The following ZDHHC17 variants were observed in gnomAD, a reference collection of about 807,000 sequenced individuals.
ZDHHC17 encodes the protein zDHHC palmitoyltransferase 17.
ZDHHC17 carries 40 observed loss-of-function variants against 90.3 expected under a neutral mutation model. The observed-to-expected ratio is 0.44, with a 90% CI of 0.34 to 0.58. The LOEUF (loss-of-function observed/expected upper bound fraction) is 0.58, where lower values mean the gene tolerates loss of function less well. Ranked by LOEUF, ZDHHC17 falls within the 20% of genes least tolerant of loss-of-function variation. The probability of loss-of-function intolerance (pLI) is 0.01; values close to 1 mark genes in which losing one functional copy is unlikely to be tolerated. For synonymous variants in ZDHHC17, 235 were observed against 252.4 expected (o/e 0.93, Z 0.65); for missense variants, 614 against 780.8 (o/e 0.79, Z 2.55).
chr12:76,848,428 A>C, intron 15 of ZDHHC17, 38 bp downstream of exon 15: 1 of 1,598,190 alleles, frequency 6.3e-7, no homozygotes, highest in Non-Finnish European at 8.6e-7. Context: ...CACTAAGTGA[A>C]AACTCTTCCA....
At chr12:76,809,420 A>C (rs192958643) in intron 4 of ZDHHC17, among the ~76,000 whole-genome samples, 1 of 152,218 alleles carries the variant, frequency 6.6e-6, no homozygotes, top group East Asian at 1.9e-4. Context: ...GAATTAGCTC[A>C]TTTCTTGGGA....
At chr12:76,804,692 A>C (rs1420977636) in intron 2 of ZDHHC17, among the ~76,000 whole-genome samples, 2 of 152,222 alleles carry the variant, frequency 1.3e-5, no homozygotes, top group African/African-American at 4.8e-5. Context: ...GCGTCTGGGA[A>C]GATTGCAACC....
chr12:76,814,417 A>G (rs1047628173), intron 5 of ZDHHC17, among the ~76,000 whole-genome samples: 2 of 151,906 alleles, frequency 1.3e-5, no homozygotes, highest in African/African-American at 4.8e-5. Flanking sequence ...GTTTATATGA[A>G]CCAGAATTAC....
At chr12:76,766,648 T>C (rs1952434669) in intron 1 of ZDHHC17, among the ~76,000 whole-genome samples, 1 of 152,204 alleles carries the variant, frequency 6.6e-6, no homozygotes, top group Non-Finnish European at 1.5e-5. Flanking sequence ...ACTTGGATTC[T>C]AATTCTGGAA....
intron 10 of ZDHHC17, among the ~76,000 whole-genome samples, chr12:76,837,507 C>G (rs1269870861): frequency 1.3e-5 from 2 of 152,024 alleles, no homozygotes; most frequent in Non-Finnish European, 2.9e-5. Flanking sequence ...TTAAAAAACT[C>G]TTTACTTAAG....
intron 7 of ZDHHC17, among the ~76,000 whole-genome samples, chr12:76,819,948 G>A (rs1233125342): frequency 4.7e-5 from 7 of 148,830 alleles, no homozygotes; most frequent in African/African-American, 9.9e-5. Flanking sequence ...AGCCAAGATC[G>A]TGCCATTGCA....
intron 7 of ZDHHC17, chr12:76,821,136 G>A: frequency 7.8e-6 from 10 of 1,284,704 alleles, no homozygotes; most frequent in Non-Finnish European, 1.0e-5. Flanking sequence ...TATTCCCGGG[G>A]AGTTGTTACC....
chr12:76,834,238 T>C (rs1365777773), intron 10 of ZDHHC17, among the ~76,000 whole-genome samples: 1 of 152,218 alleles, frequency 6.6e-6, no homozygotes, highest in Non-Finnish European at 1.5e-5. Context: ...ATGCTTCTTT[T>C]ATTATAATTA....
At position 76,788,531 on chromosome 12, in the gene ZDHHC17, G is replaced by C. The variant is rs139162105; in HGVS notation, c.94-8903G>C. Among the ~76,000 whole-genome samples, 490 of 152,084 alleles carry C rather than the reference G, an allele frequency of 3.2e-3. 1 individual carries two copies. Among genetic ancestry groups the C allele is most frequent in the African/African-American group, 0.011 (467 of 41,484 alleles). Reference sequence around the variant, plus strand: ...ACAGTTCTAAACATGGAAGTCTTTAGATCAGTATGAAAAAGATTAATCTAT... The same window carrying C: ...ACAGTTCTAAACATGGAAGTCTTTACATCAGTATGAAAAAGATTAATCTAT... On this transcript the variant is annotated intron_variant, in intron 1 of 16. Coordinates refer to ENST00000426126, the MANE Select transcript of ZDHHC17 (RefSeq NM_015336.4).
intron 1 of ZDHHC17, 165 bp downstream of exon 1, chr12:76,764,494 G>A (rs1245712458): frequency 6.0e-6 from 4 of 661,986 alleles, no homozygotes; most frequent in South Asian, 3.9e-5. Context: ...AGCGGATAAC[G>A]GGGGAGGAGA....
At chr12:76,794,642 A>G (rs77392037) in intron 1 of ZDHHC17, among the ~76,000 whole-genome samples, 343 of 152,314 alleles carry the variant, frequency 2.3e-3, no homozygotes, top group African/African-American at 7.7e-3. Context: ...TCGGAGGCAC[A>G]AAACAGATAC....
At position 76,851,020 on chromosome 12, in the gene ZDHHC17, G is replaced by A. The variant is rs896286937; in HGVS notation, c.*35G>A. On this transcript the variant is annotated 3_prime_UTR_variant, in exon 17 of 17. Coordinates refer to ENST00000426126, the MANE Select transcript of ZDHHC17 (RefSeq NM_015336.4). ...ATCCTATGAAGCATATTGCTGAGTG[G>A]TGCCTGAAAATTGTGTCTGTCCGTG... 24 of 1,612,134 alleles carry A rather than the reference G, an allele frequency of 1.5e-5. No individual in the cohort carries two copies. Among genetic ancestry groups the A allele is most frequent in the Non-Finnish European group, 2.0e-5 (24 of 1,179,286 alleles).
chr12:76,767,259 C>T (rs1282154228), intron 1 of ZDHHC17, among the ~76,000 whole-genome samples: 2 of 152,134 alleles, frequency 1.3e-5, no homozygotes, highest in Non-Finnish European at 2.9e-5. Flanking sequence ...CTTGCAGGAA[C>T]AAATTTCATT....
intron 1 of ZDHHC17, among the ~76,000 whole-genome samples, chr12:76,795,937 A>G (rs1016361012): frequency 3.3e-5 from 5 of 152,192 alleles, no homozygotes; most frequent in African/African-American, 1.2e-4. Context: ...GTATTTTAAC[A>G]TTGGCTATAG....
chr12:76,816,147 C>CTGT, intron 7 of ZDHHC17, 128 bp downstream of exon 7: 1 of 609,756 alleles, frequency 1.6e-6, no homozygotes, highest in Non-Finnish European at 2.5e-6. Flanking sequence ...ACAGTTAAAC[C>CTGT]ACATTATGCA....
intron 3 of ZDHHC17, among the ~76,000 whole-genome samples, chr12:76,807,117 CT>C (rs1592478304): frequency 6.6e-6 from 1 of 152,164 alleles, no homozygotes; most frequent in African/African-American, 2.4e-5. Flanking sequence ...TGAATCTGGA[CT>C]TTAAGAGTTT....
chr12:76,770,926 C>CAAAAA (rs34292734), intron 1 of ZDHHC17, among the ~76,000 whole-genome samples: 2 of 76,166 alleles, frequency 2.6e-5, no homozygotes, highest in Non-Finnish European at 5.0e-5. Context: ...AACTCCATCT[C>CAAAAA]AAAAAAAAAA....
chr12:76,841,847 T>C (rs1953439331), intron 10 of ZDHHC17, 135 bp from the exon 11 acceptor site: 1 of 547,436 alleles, frequency 1.8e-6, no homozygotes, highest in Non-Finnish European at 2.7e-6. Context: ...TTTTTACATG[T>C]AGTTATAAAC....
In ZDHHC17 at chr12:76,815,179, C is replaced by G; in HGVS notation, c.577C>G (p.Pro193Ala). The change falls in exon 6 of 17, where the codon CCT (proline) becomes GCT (alanine). Residue 193 changes from proline to alanine, a missense_variant. Pro to Ala is a conservative substitution (Grantham distance 27). Around this residue, in one of 5 missense-constraint regions of ZDHHC17, gnomAD observed 358 missense variants for 380.4 expected, o/e 0.94. Coordinates refer to ENST00000426126, the MANE Select transcript of ZDHHC17 (RefSeq NM_015336.4). The part of the protein sequence containing the change: ...VDMMDQNGMT[P>A]LMWAAYRTHS... The stretch of plus-strand genomic sequence containing the variant: ...TATGATGGATCAGAATGGAATGACG[C>G]CTTTAATGTGGGCAGCATATAGAAC... 1 of 1,567,408 alleles carries G rather than the reference C, an allele frequency of 6.4e-7. No individual in the cohort carries two copies. The highest frequency in any genetic ancestry group is 8.7e-7 in the Non-Finnish European group (1 of 1,153,930).
Sources: gnomAD v4.1 joint callset for allele counts (sites outside exome capture counted in the v4.1 genomes callset) on GRCh38, gnomAD v4.1.1 for gene constraint, gnomAD v4.1.1 regional missense constraint, MANE v1.5 for transcripts, NCBI Gene and HGNC (gene_info 2026-07-23, HGNC 2026-07-21) for gene names.